Variants in ADAMTS18 observed in about 807,000 individuals in gnomAD.
The protein encoded by ADAMTS18 is ADAM metallopeptidase with thrombospondin type 1 motif 18.
In ADAMTS18, 157 loss-of-function variants were observed where a neutral mutation model predicts 165.9. The observed-to-expected ratio is 0.95, with a 90% CI of 0.83 to 1.08. The LOEUF (loss-of-function observed/expected upper bound fraction) is 1.08. ADAMTS18 is among the 50% of genes least tolerant of loss of function. The pLI is 0.00. For missense variants in ADAMTS18, 2,040 were observed against 1,534.0 expected, an observed-to-expected ratio of 1.33 and a Z score of -5.51; for synonymous variants, 782 against 578.2, an observed-to-expected ratio of 1.35 and a Z score of -5.06.
In ADAMTS18 at chr16:77,353,901, C is replaced by T. The variant is rs781636081; in HGVS notation, c.1461-15G>A. The T allele has an allele frequency of 6.2e-7, 1 of 1,614,072 alleles. No individual in the cohort carries two copies. Among genetic ancestry groups the T allele is most frequent in the Non-Finnish European group, 8.5e-7 (1 of 1,179,976 alleles). On this transcript the variant is annotated splice_polypyrimidine_tract_variant and intron_variant, in intron 9 of 22. Transcript: ENST00000282849. Reference sequence around the variant, plus strand: ...CCTGAGGTGTGCTGTAATGACAATACATGCTTATTAATTACTCTGTTGATC... The same window carrying T: ...CCTGAGGTGTGCTGTAATGACAATATATGCTTATTAATTACTCTGTTGATC...
At chr16:77,339,112 C>G (rs2056358093) in intron 11 of ADAMTS18, among the ~76,000 whole-genome samples, 1 of 152,152 alleles carries the variant, frequency 6.6e-6, no homozygotes, top group Non-Finnish European at 1.5e-5. Context: ...TGAGTACCTG[C>G]TACTGTGTGT....
intron 12 of ADAMTS18, among the ~76,000 whole-genome samples, chr16:77,333,544 A>C (rs1371377387): frequency 6.6e-6 from 1 of 151,496 alleles, no homozygotes; most frequent in Non-Finnish European, 1.5e-5. Context: ...GTAAATCAGC[A>C]CGGTGGTTCC....
At chr16:77,372,504 G>A (rs2056890641) in intron 3 of ADAMTS18, among the ~76,000 whole-genome samples, 1 of 152,212 alleles carries the variant, frequency 6.6e-6, no homozygotes, top group African/African-American at 2.4e-5. Flanking sequence ...GACATGATGT[G>A]TAGAGCCTGA....
intron 3 of ADAMTS18, among the ~76,000 whole-genome samples, chr16:77,372,619 G>A (rs1188287245): frequency 6.6e-6 from 1 of 152,130 alleles, no homozygotes; most frequent in Admixed American, 6.5e-5. Context: ...TAAATGAAAT[G>A]GTTCACATTC....
At chr16:77,411,266 C>T (rs138313863) in intron 3 of ADAMTS18, among the ~76,000 whole-genome samples, 30 of 152,260 alleles carry the variant, frequency 2.0e-4, no homozygotes, top group Middle Eastern at 3.4e-3. Context: ...ATATATCTCC[C>T]GGTCTCTGTC....
intron 16 of ADAMTS18, among the ~76,000 whole-genome samples, chr16:77,317,732 G>C (rs1278397744): frequency 6.6e-6 from 1 of 152,168 alleles, no homozygotes; most frequent in African/African-American, 2.4e-5. Flanking sequence ...CACACACTGG[G>C]TAAGAGAAAT....
Position 77,304,485 on chromosome 16 carries a change from C to A in ADAMTS18, c.2533-4081G>T, listed in dbSNP as rs113449205. Among the ~76,000 whole-genome samples the A allele has an allele frequency of 3.6e-3, 550 of 152,302 alleles. 1 individual carries two copies. Among genetic ancestry groups the A allele is most frequent in the Non-Finnish European group, 6.6e-3 (452 of 68,028 alleles). Reference sequence around the variant, plus strand: ...CAAAAACAAAAACAATCAAATACTTCTGTTTTCTTTGAAGATTTCTATTCC... The same window carrying A: ...CAAAAACAAAAACAATCAAATACTTATGTTTTCTTTGAAGATTTCTATTCC... On this transcript the variant is annotated intron_variant, in intron 16 of 22. Transcript: ENST00000282849.
intron 12 of ADAMTS18, among the ~76,000 whole-genome samples, chr16:77,329,967 C>T (rs1376767564): frequency 6.6e-6 from 1 of 152,148 alleles, no homozygotes; most frequent in East Asian, 1.9e-4. Context: ...AATGGTGTTG[C>T]TTGGAAGAGT....
At chr16:77,339,677 C>T (rs1313272262) in intron 11 of ADAMTS18, among the ~76,000 whole-genome samples, 1 of 151,670 alleles carries the variant, frequency 6.6e-6, no homozygotes, top group Non-Finnish European at 1.5e-5. Context: ...GACTTGAGCA[C>T]TATTTATATT....
Position 77,300,333 on chromosome 16 carries a change from T to TGGA in ADAMTS18, c.2601_2603dup (p.Pro869dup), listed in dbSNP as rs2055557990. The TGGA allele has an allele frequency of 2.5e-6, 4 of 1,584,960 alleles. No homozygotes were observed. The highest frequency in any genetic ancestry group is 1.9e-4 in the Middle Eastern group (1 of 5,386). ...TATAGGCAGGTCTTTTTGTGGCTGG[T>TGGA]GGAGTTCCATTCATGACCTTGGGAA... On this transcript the variant is annotated inframe_insertion, in exon 17 of 23. Coordinates refer to ENST00000282849, the MANE Select transcript of ADAMTS18 (RefSeq NM_199355.4).
At chr16:77,433,741 C>G (rs1332329883) in intron 2 of ADAMTS18, among the ~76,000 whole-genome samples, 1 of 152,186 alleles carries the variant, frequency 6.6e-6, no homozygotes, top group Non-Finnish European at 1.5e-5. Flanking sequence ...CAGGAATCAG[C>G]TGTTCTCCTG....
intron 18 of ADAMTS18, among the ~76,000 whole-genome samples, chr16:77,295,951 C>T (rs998311779): frequency 6.6e-6 from 1 of 151,720 alleles, no homozygotes; most frequent in Non-Finnish European, 1.5e-5. Flanking sequence ...TCAAGTGATT[C>T]TCCTGCCTCA....
At chr16:77,357,023 C>T (rs190643093) in intron 8 of ADAMTS18, among the ~76,000 whole-genome samples, 8 of 139,454 alleles carry the variant, frequency 5.7e-5, no homozygotes, top group East Asian at 2.1e-4. Flanking sequence ...ATGCAGAGGA[C>T]GGAAGGATAT....
chr16:77,324,754 G>A (rs1417622476), intron 13 of ADAMTS18, among the ~76,000 whole-genome samples: 1 of 152,166 alleles, frequency 6.6e-6, no homozygotes, highest in African/African-American at 2.4e-5. Context: ...GTTATCTAAA[G>A]CAATTTGAAA....
chr16:77,298,643 C>A (rs753976523), intron 17 of ADAMTS18, among the ~76,000 whole-genome samples: 3 of 152,006 alleles, frequency 2.0e-5, no homozygotes, highest in Admixed American at 6.6e-5. Flanking sequence ...AAGAAAAAAA[C>A]GGGCCAGGCA....
At chr16:77,419,706 C>G (rs945290916) in intron 3 of ADAMTS18, among the ~76,000 whole-genome samples, 2 of 152,120 alleles carry the variant, frequency 1.3e-5, no homozygotes, top group Non-Finnish European at 1.5e-5. Context: ...ATTTTGGGGG[C>G]TGTCTTAGAA....
chr16:77,397,777 T>C (rs904568941), intron 3 of ADAMTS18, among the ~76,000 whole-genome samples: 2 of 152,228 alleles, frequency 1.3e-5, no homozygotes, highest in African/African-American at 4.8e-5. Context: ...TATCCAGATG[T>C]TGGCTTGTCT....
intron 3 of ADAMTS18, among the ~76,000 whole-genome samples, chr16:77,416,851 A>T (rs1222717557): frequency 1.3e-5 from 2 of 152,184 alleles, no homozygotes; most frequent in African/African-American, 4.8e-5. Context: ...ACAGGAATCC[A>T]GGTGAGAGAT....
rs545955966 is a variant in ADAMTS18, at chr16:77,423,522, C to G, written c.495+7773G>C. On this transcript the variant is annotated intron_variant, in intron 3 of 22. Coordinates refer to ENST00000282849, the MANE Select transcript of ADAMTS18 (RefSeq NM_199355.4). ...TTCTTTCAATTAAGCATCCATAGCC[C>G]CCATGAGAGAAGTACTATCATTATC... 2.6e-5 allele frequency among the ~76,000 whole-genome samples: 4 copies of G among 152,032 alleles called. No homozygotes were observed. The East Asian group carries it at 7.8e-4, about 29-fold the overall frequency.
Sources: allele counts gnomAD v4.1 joint callset (sites outside exome capture counted in the v4.1 genomes callset), GRCh38; gene constraint gnomAD v4.1.1; transcripts MANE v1.5; gene names NCBI Gene and HGNC (gene_info 2026-07-23, HGNC 2026-07-21).